CRIM1: variants seen among roughly 807,000 people sequenced by gnomAD.
CRIM1 encodes cysteine rich transmembrane BMP regulator 1.
Under a neutral mutation model 116.4 loss-of-function variants are expected in CRIM1, and 32 were observed. The ratio of observed to expected loss-of-function variants is 0.27; its 90% CI spans 0.21 to 0.37. The LOEUF (loss-of-function observed/expected upper bound fraction) is 0.37, where lower values mean the gene tolerates loss of function less well. Among genes scored for constraint, CRIM1 ranks in the 10% least tolerant of loss-of-function variants. The probability of loss-of-function intolerance (pLI) is 1.00; values close to 1 mark genes in which losing one functional copy is unlikely to be tolerated. For missense variants in CRIM1, 1,331 were observed against 1,354.8 expected (o/e 0.98, Z 0.28); for synonymous variants, 590 against 509.2 (o/e 1.16, Z -2.13).
chr2:36,431,097 T>C (rs1341922020), intron 2 of CRIM1, among the ~76,000 whole-genome samples: 1 of 152,170 alleles, frequency 6.6e-6, no homozygotes, highest in Non-Finnish European at 1.5e-5. Flanking sequence ...TGAGTGTGTG[T>C]CTGTGTTTCA....
chr2:36,480,195 C>T (rs770931677), intron 7 of CRIM1, among the ~76,000 whole-genome samples: 3 of 152,194 alleles, frequency 2.0e-5, no homozygotes, highest in Non-Finnish European at 4.4e-5. Context: ...TGCAATTCCT[C>T]TAGTGCTGTT....
chr2:36,505,713 G>GTT (rs1400057622), intron 8 of CRIM1, among the ~76,000 whole-genome samples: 1 of 129,978 alleles, frequency 7.7e-6, no homozygotes, highest in Non-Finnish European at 1.6e-5. Context: ...GTAAGCATGA[G>GTT]TTATATATAC....
intron 2 of CRIM1, among the ~76,000 whole-genome samples, chr2:36,438,495 TC>T (rs771765308): frequency 5.3e-5 from 8 of 152,178 alleles, no homozygotes; most frequent in African/African-American, 9.7e-5. Context: ...CTGATGGGGC[TC>T]TGAGAGTGGA....
intron 13 of CRIM1, among the ~76,000 whole-genome samples, chr2:36,536,557 A>G (rs536658989): frequency 4.3e-4 from 66 of 152,094 alleles, no homozygotes; most frequent in Non-Finnish European, 8.1e-4. Flanking sequence ...TCTGAACCAC[A>G]TTCTTGTGTG....
intron 4 of CRIM1, among the ~76,000 whole-genome samples, chr2:36,461,006 T>A (rs1401888090): frequency 6.6e-6 from 1 of 151,994 alleles, no homozygotes; most frequent in East Asian, 1.9e-4. Flanking sequence ...ACCGTAGCAA[T>A]GGAAAATGAA....
In CRIM1 at chr2:36,517,447, A is replaced by G. The variant is rs1483277410; in HGVS notation, c.2111A>G (p.His704Arg). 6.8e-6 allele frequency: 11 copies of G among 1,614,136 alleles called. No individual in the cohort carries two copies. Among genetic ancestry groups the G allele is most frequent in the Non-Finnish European group, 8.5e-6 (10 of 1,180,046 alleles). The part of the protein sequence containing the change: ...NIDSCTQCTC[H>R]SGRVLCETEV... ...GACTCCTGTACTCAGTGCACCTGCCACAGCGGACGGGTGCTGTGTGAGACA... is the reference window on the plus strand; with the variant it reads ...GACTCCTGTACTCAGTGCACCTGCCGCAGCGGACGGGTGCTGTGTGAGACA... Residue 704 changes from histidine to arginine, a missense_variant, in exon 12 of 17, where the codon CAC becomes CGC. Physicochemically the swap from His to Arg is conservative, Grantham distance 29. Transcript: ENST00000280527.
At chr2:36,450,357 T>A (rs1490393004) in intron 4 of CRIM1, among the ~76,000 whole-genome samples, 1 of 152,122 alleles carries the variant, frequency 6.6e-6, no homozygotes, top group African/African-American at 2.4e-5. Flanking sequence ...GAGGTCGGAT[T>A]GTGTGTGTGT....
intron 4 of CRIM1, 96 bp downstream of exon 4, chr2:36,442,831 T>C (rs1462834339): frequency 7.2e-7 from 1 of 1,393,058 alleles, no homozygotes. Context: ...ATGAGAAACC[T>C]AGTCCTTTCC....
intron 14 of CRIM1, among the ~76,000 whole-genome samples, chr2:36,543,647 T>C (rs1667110489): frequency 6.6e-6 from 1 of 151,946 alleles, no homozygotes; most frequent in Admixed American, 6.6e-5. Flanking sequence ...GGATGAAGTA[T>C]AAATACAAAG....
intron 4 of CRIM1, among the ~76,000 whole-genome samples, chr2:36,449,326 A>G (rs1402262439): frequency 6.6e-6 from 1 of 152,056 alleles, no homozygotes; most frequent in African/African-American, 2.4e-5. Context: ...CTTACCACTG[A>G]GCTGCACTGT....
In CRIM1 at chr2:36,356,142, G is replaced by C; in HGVS notation, c.-151G>C. On this transcript the variant is annotated 5_prime_UTR_variant, in exon 1 of 17. Coordinates refer to ENST00000280527, the MANE Select transcript of CRIM1 (RefSeq NM_016441.3). This position sits in a 1 kb window ranked among gnomAD's most constrained non-coding sequence, Gnocchi z 4.3. Reference sequence around the variant, plus strand: ...AGAAGGGGCGGGGGCCTCGCCCCGCGAGGGGAGGCGCGCCCCGGGGGCCCC... The same window carrying C: ...AGAAGGGGCGGGGGCCTCGCCCCGCCAGGGGAGGCGCGCCCCGGGGGCCCC... 5.7e-6 allele frequency: 1 copy of C among 175,530 alleles called. No homozygotes were observed. Among genetic ancestry groups the C allele is most frequent in the Non-Finnish European group, 1.2e-5 (1 of 86,732 alleles). The allele number at this position is 175,530 out of a possible 1,614,324, so 10.9% of individuals were successfully genotyped here. A position where few individuals can be genotyped will look rare whatever the true frequency, so the allele number is the denominator to read the frequency against.
intron 2 of CRIM1, among the ~76,000 whole-genome samples, chr2:36,438,651 G>A (rs1419350357): frequency 1.3e-5 from 2 of 152,176 alleles, no homozygotes; most frequent in Non-Finnish European, 2.9e-5. Context: ...GAGACATGCA[G>A]TGAGATAAGA....
chr2:36,432,846 G>T (rs73924829), intron 2 of CRIM1, among the ~76,000 whole-genome samples: 1,919 of 152,126 alleles, frequency 0.013, 39 homozygotes, highest in African/African-American at 0.044. Flanking sequence ...TGTTTAATTG[G>T]AATTGGTCTG....
chr2:36,504,500 C>T (rs1572885634), intron 8 of CRIM1, among the ~76,000 whole-genome samples: 1 of 152,296 alleles, frequency 6.6e-6, no homozygotes, highest in Non-Finnish European at 1.5e-5. Flanking sequence ...TTCATTTGAA[C>T]ATAACGTAAT....
At chr2:36,358,180 T>G (rs1668984939) in intron 1 of CRIM1, among the ~76,000 whole-genome samples, 1 of 152,208 alleles carries the variant, frequency 6.6e-6, no homozygotes, top group Non-Finnish European at 1.5e-5. Flanking sequence ...CACCTGGTAT[T>G]GTCCCCTTTT....
rs190675288 is a variant in CRIM1 at position 36,371,285 on chromosome 2, G to A, written c.331+14662G>A. The stretch of plus-strand genomic sequence containing the variant: ...CCCCATCCCCCAGTGACCATAAATA[G>A]CACTTTCTCCTTCCCCTGTTATAGC... On this transcript the variant is annotated intron_variant, in intron 1 of 16. Coordinates refer to ENST00000280527, the MANE Select transcript of CRIM1 (RefSeq NM_016441.3). 1.8e-4 allele frequency among the ~76,000 whole-genome samples: 28 copies of A among 151,702 alleles called. No individual in the cohort carries two copies. The East Asian group carries it at 3.3e-3, about 18-fold the overall frequency.
At chr2:36,392,830 C>A (rs948293836) in intron 1 of CRIM1, among the ~76,000 whole-genome samples, 2 of 151,800 alleles carry the variant, frequency 1.3e-5, no homozygotes, top group South Asian at 4.2e-4. Context: ...AGAGTTTACT[C>A]TCAAAAAAAA....
At chr2:36,475,852 C>T (rs1362406736) in intron 5 of CRIM1, among the ~76,000 whole-genome samples, 1 of 152,084 alleles carries the variant, frequency 6.6e-6, no homozygotes, top group African/African-American at 2.4e-5. Context: ...TGCTTTTTTT[C>T]CTTATTGTGT....
At chr2:36,532,047 A>G (rs1666156875) in intron 13 of CRIM1, 4 of 468,900 alleles carry the variant, frequency 8.5e-6, no homozygotes, top group East Asian at 6.9e-5. Context: ...AGTCATTTCA[A>G]ACTGAATCTG....
Sources: gnomAD v4.1 joint callset for allele counts (sites outside exome capture counted in the v4.1 genomes callset) on GRCh38, gnomAD v4.1.1 for gene constraint, Gnocchi (gnomAD v3.1) non-coding constraint, MANE v1.5 for transcripts, NCBI Gene and HGNC (gene_info 2026-07-23, HGNC 2026-07-21) for gene names.